The following ZNF385D variants were observed in gnomAD, a reference collection of about 807,000 sequenced individuals.
The protein encoded by ZNF385D is zinc finger protein 659.
Under a neutral mutation model 35.8 loss-of-function variants are expected in ZNF385D, and 15 were observed. The observed-to-expected ratio is 0.42, with a 90% CI of 0.28 to 0.64. The LOEUF is 0.64. ZNF385D is among the 30% of genes least tolerant of loss of function. The pLI, the probability that ZNF385D is intolerant of heterozygous loss-of-function variation, is 0.23. For synonymous variants in ZNF385D, 212 were observed against 186.8 expected (o/e 1.13, Z -1.10); for missense variants, 474 against 494.6 (o/e 0.96, Z 0.39).
intron 3 of ZNF385D, among the ~76,000 whole-genome samples, chr3:22,037,397 T>C (rs372555779): frequency 2.0e-5 from 3 of 152,008 alleles, no homozygotes; most frequent in South Asian, 4.2e-4. Context: ...TTTTAATGAT[T>C]GCTATTCTAA....
intron 3 of ZNF385D, among the ~76,000 whole-genome samples, chr3:22,081,325 A>G (rs1700739905): frequency 6.6e-6 from 1 of 152,140 alleles, no homozygotes; most frequent in Non-Finnish European, 1.5e-5. Context: ...TTAAATTCTT[A>G]TTCTCCATTT....
intron 5 of ZNF385D, among the ~76,000 whole-genome samples, chr3:21,435,952 G>A (rs1022528378): frequency 6.6e-6 from 1 of 152,160 alleles, no homozygotes; most frequent in Admixed American, 6.5e-5. Context: ...AATATTACCA[G>A]TGCAGCACAA....
intron 3 of ZNF385D, among the ~76,000 whole-genome samples, chr3:21,937,627 TAAA>T (rs1417613152): frequency 6.6e-6 from 1 of 152,106 alleles, no homozygotes; most frequent in Non-Finnish European, 1.5e-5. Flanking sequence ...TAAAAAATTT[TAAA>T]AACCTGTACA....
intron 2 of ZNF385D, among the ~76,000 whole-genome samples, chr3:21,650,581 C>T (rs2065882608): frequency 6.6e-6 from 1 of 151,824 alleles, no homozygotes; most frequent in Non-Finnish European, 1.5e-5. Context: ...TTTAAAAAAT[C>T]CTCTGAAGAG....
intron 1 of ZNF385D, among the ~76,000 whole-genome samples, chr3:21,690,649 C>A (rs749349457): frequency 2.0e-5 from 3 of 152,302 alleles, no homozygotes; most frequent in South Asian, 4.1e-4. Context: ...TCTCACCATA[C>A]ACTTTTCTCT....
chr3:22,294,949 C>A (rs773903678), intron 2 of ZNF385D, among the ~76,000 whole-genome samples: 6 of 151,920 alleles, frequency 3.9e-5, no homozygotes, highest in Non-Finnish European at 8.8e-5. Flanking sequence ...CATTACAGGA[C>A]CAGGGGTATA....
intron 2 of ZNF385D, among the ~76,000 whole-genome samples, chr3:22,250,691 T>C (rs776382267): frequency 3.5e-4 from 53 of 152,176 alleles, no homozygotes; most frequent in African/African-American, 7.5e-4. Flanking sequence ...CCCCATGCCA[T>C]TGCACAGGTT....
chr3:21,852,777 A>C (rs1364070067), intron 3 of ZNF385D, among the ~76,000 whole-genome samples: 1 of 151,942 alleles, frequency 6.6e-6, no homozygotes, highest in African/African-American at 2.4e-5. Flanking sequence ...AAAATATATG[A>C]AACTTAATGG....
At chr3:22,181,848 T>C (rs1695301419) in intron 2 of ZNF385D, among the ~76,000 whole-genome samples, 1 of 152,214 alleles carries the variant, frequency 6.6e-6, no homozygotes, top group Admixed American at 6.5e-5. Flanking sequence ...TGTCTTACAT[T>C]TCACTTCTAC....
At chr3:21,700,461 ATTAATTTTTAAAATTAGTTTTTTTCTT>A (rs1192796183) in intron 1 of ZNF385D, among the ~76,000 whole-genome samples, 1 of 152,220 alleles carries the variant, frequency 6.6e-6, no homozygotes, top group African/African-American at 2.4e-5. Context: ...ATACCATATG[ATTAATTTTTAAAATTAGTTTTTTTCTT>A]TTCCTGAGAA....
chr3:21,918,672 T>C (rs1700310818), intron 3 of ZNF385D, among the ~76,000 whole-genome samples: 1 of 152,214 alleles, frequency 6.6e-6, no homozygotes, highest in South Asian at 2.1e-4. Flanking sequence ...AAATTATTCA[T>C]TACTTTTGAC....
chr3:21,885,190 T>C (rs1197062978), intron 3 of ZNF385D, among the ~76,000 whole-genome samples: 1 of 152,028 alleles, frequency 6.6e-6, no homozygotes, highest in Non-Finnish European at 1.5e-5. Context: ...AAAAAACAAA[T>C]GAAAATTTCT....
intron 2 of ZNF385D, among the ~76,000 whole-genome samples, chr3:21,647,179 A>G (rs2065776261): frequency 6.6e-6 from 1 of 152,214 alleles, no homozygotes. Flanking sequence ...TTTTAAAGGA[A>G]TTGCCTAAAT....
At chr3:22,140,458 T>C (rs1317680163) in intron 3 of ZNF385D, among the ~76,000 whole-genome samples, 1 of 152,116 alleles carries the variant, frequency 6.6e-6, no homozygotes, top group Non-Finnish European at 1.5e-5. Flanking sequence ...AGTAGAGCAA[T>C]TGTGTATCCC....
At chr3:21,468,368 C>T (rs1703658111) in intron 4 of ZNF385D, among the ~76,000 whole-genome samples, 1 of 140,922 alleles carries the variant, frequency 7.1e-6, no homozygotes, top group Non-Finnish European at 1.5e-5. Context: ...TACCACTGCA[C>T]TCCAGCCTGG....
intron 2 of ZNF385D, among the ~76,000 whole-genome samples, chr3:22,300,284 T>C (rs955210888): frequency 6.6e-6 from 1 of 151,706 alleles, no homozygotes; most frequent in African/African-American, 2.4e-5. Flanking sequence ...ATATTAAAAA[T>C]CAACTCAAAA....
chr3:22,123,925 TC>T (rs1337730644), intron 3 of ZNF385D, among the ~76,000 whole-genome samples: 1,389 of 44,914 alleles, frequency 0.031, 9 homozygotes, highest in Non-Finnish European at 0.049. Flanking sequence ...AGACTCCATC[TC>T]TCTCTCTCTC....
chr3:21,925,752 A>C (rs1474792705), intron 3 of ZNF385D, among the ~76,000 whole-genome samples: 1 of 152,176 alleles, frequency 6.6e-6, no homozygotes, highest in Admixed American at 6.5e-5. Context: ...TCTAGAATAT[A>C]TAGTCCAATG....
chr3:21,547,346 A>AT (rs2062410951), intron 3 of ZNF385D, among the ~76,000 whole-genome samples: 2 of 152,000 alleles, frequency 1.3e-5, no homozygotes, highest in Non-Finnish European at 2.9e-5. Flanking sequence ...AGGCCTTGGA[A>AT]TTTTTTAGCT....
Sources: allele counts gnomAD v4.1 joint callset (sites outside exome capture counted in the v4.1 genomes callset), GRCh38; gene constraint gnomAD v4.1.1; transcripts MANE v1.5; gene names NCBI Gene and HGNC (gene_info 2026-07-23, HGNC 2026-07-21).